ASTN2: variants seen among roughly 807,000 people sequenced by gnomAD.
ASTN2 encodes astrotactin-2.
In ASTN2, 54 loss-of-function variants were observed where a neutral mutation model predicts 139.8. The ratio of observed to expected loss-of-function variants is 0.39; its 90% CI spans 0.31 to 0.48. The LOEUF is 0.48. ASTN2 is among the 20% of genes least tolerant of loss of function. The pLI, the probability that ASTN2 is intolerant of heterozygous loss-of-function variation, is 0.95. For synonymous variants in ASTN2, 756 were observed against 719.5 expected (o/e 1.05, Z -0.81); for missense variants, 1,565 against 1,725.1 (o/e 0.91, Z 1.64).
At position 116,976,267 on chromosome 9, in the gene ASTN2, G is replaced by C; in HGVS notation, c.1677-79C>G. ...ATTCACATGTGGACACTGCTCTAGAGTAGCTTTACAAACAACCAAACTCTG... is the reference window on the plus strand; with the variant it reads ...ATTCACATGTGGACACTGCTCTAGACTAGCTTTACAAACAACCAAACTCTG... On this transcript the variant is annotated intron_variant, in intron 8 of 22. Transcript: ENST00000313400. 3.3e-6 allele frequency: 4 copies of C among 1,207,408 alleles called. No homozygotes were observed. In the South Asian group the frequency reaches 3.7e-5, roughly 11 times the overall value. The allele number at this position is 1,207,408 out of a possible 1,614,324, so 74.8% of individuals were successfully genotyped here.
intron 10 of ASTN2, among the ~76,000 whole-genome samples, chr9:116,944,423 G>A (rs1293904430): frequency 6.6e-6 from 1 of 152,078 alleles, no homozygotes; most frequent in Non-Finnish European, 1.5e-5. Flanking sequence ...GCTCATGCCT[G>A]TAATCCCAGC....
chr9:116,887,171 C>T (rs2132381504), intron 10 of ASTN2, among the ~76,000 whole-genome samples: 1 of 152,184 alleles, frequency 6.6e-6, no homozygotes, highest in East Asian at 1.9e-4. Context: ...TTTGGAAAAG[C>T]ATATAAATAA....
intron 3 of ASTN2, among the ~76,000 whole-genome samples, chr9:117,150,332 T>C (rs1017459135): frequency 1.3e-5 from 2 of 152,180 alleles, no homozygotes; most frequent in African/African-American, 4.8e-5. Context: ...TCAACTAATG[T>C]TATCCTTACA....
chr9:116,807,894 G>T (rs2132250131), intron 12 of ASTN2, among the ~76,000 whole-genome samples: 1 of 151,728 alleles, frequency 6.6e-6, no homozygotes, highest in South Asian at 2.1e-4. Context: ...GGTGGATCAT[G>T]AGGTCAGGCG....
intron 22 of ASTN2, 84 bp downstream of exon 22, chr9:116,440,525 T>C (rs1461839016): frequency 1.2e-5 from 16 of 1,320,874 alleles, no homozygotes; most frequent in Non-Finnish European, 1.6e-5. Context: ...TAAAGCCTAG[T>C]CTCAGCCTAT....
intron 13 of ASTN2, among the ~76,000 whole-genome samples, chr9:116,788,939 A>G (rs1564267668): frequency 6.6e-6 from 1 of 152,172 alleles, no homozygotes; most frequent in African/African-American, 2.4e-5. Flanking sequence ...ATGTGTACTG[A>G]TTGGCTGGAG....
At chr9:116,671,023 C>A (rs1436850964) in intron 16 of ASTN2, among the ~76,000 whole-genome samples, 1 of 152,070 alleles carries the variant, frequency 6.6e-6, no homozygotes, top group African/African-American at 2.4e-5. Flanking sequence ...TTTTTGCAAT[C>A]TTATTTGAGC....
intron 19 of ASTN2, among the ~76,000 whole-genome samples, chr9:116,536,172 T>C (rs930765745): frequency 3.9e-5 from 6 of 152,026 alleles, no homozygotes; most frequent in Non-Finnish European, 8.8e-5. Context: ...TGTGCATTCG[T>C]CACGTAGTTA....
At chr9:117,053,185 C>T (rs1280358709) in intron 5 of ASTN2, among the ~76,000 whole-genome samples, 1 of 151,888 alleles carries the variant, frequency 6.6e-6, no homozygotes, top group Non-Finnish European at 1.5e-5. Flanking sequence ...TGCATGGTGA[C>T]TCAAGCCTGC....
At chr9:116,794,500 T>G (rs966695416) in intron 13 of ASTN2, among the ~76,000 whole-genome samples, 1 of 152,170 alleles carries the variant, frequency 6.6e-6, no homozygotes, top group Non-Finnish European at 1.5e-5. Flanking sequence ...TTGGATGAGC[T>G]TGGTTTAGAC....
chr9:116,915,928 T>G (rs1834434515), intron 10 of ASTN2, among the ~76,000 whole-genome samples: 1 of 152,166 alleles, frequency 6.6e-6, no homozygotes, highest in African/African-American at 2.4e-5. Flanking sequence ...CCCCTGAATT[T>G]GTAGCCAAGT....
At chr9:117,187,627 T>C (rs1831235187) in intron 3 of ASTN2, among the ~76,000 whole-genome samples, 1 of 152,200 alleles carries the variant, frequency 6.6e-6, no homozygotes, top group Admixed American at 6.5e-5. Flanking sequence ...GTTGGCTGTC[T>C]GTCACGAGTC....
chr9:117,408,004 G>T (rs1831046569), intron 1 of ASTN2, among the ~76,000 whole-genome samples: 2 of 152,266 alleles, frequency 1.3e-5, no homozygotes, highest in South Asian at 4.1e-4. Flanking sequence ...CCCAAAGGCA[G>T]CTAGGGTGAG....
intron 3 of ASTN2, among the ~76,000 whole-genome samples, chr9:117,200,013 C>T (rs1016060760): frequency 2.0e-5 from 3 of 151,828 alleles, no homozygotes; most frequent in Non-Finnish European, 4.4e-5. Context: ...GCTGACATTG[C>T]TTATCAGTTC....
At chr9:116,617,840 C>G (rs1354828256) in intron 19 of ASTN2, among the ~76,000 whole-genome samples, 1 of 152,174 alleles carries the variant, frequency 6.6e-6, no homozygotes, top group Non-Finnish European at 1.5e-5. Context: ...TCAAAGGTAT[C>G]CCTCTTAAAA....
At chr9:116,693,952 T>G (rs1182066413) in intron 16 of ASTN2, among the ~76,000 whole-genome samples, 2 of 152,158 alleles carry the variant, frequency 1.3e-5, no homozygotes, top group Admixed American at 1.3e-4. Context: ...AAAGCAGTGT[T>G]TTCAAGTCAT....
intron 20 of ASTN2, among the ~76,000 whole-genome samples, chr9:116,473,841 G>A (rs1848895492): frequency 6.6e-6 from 1 of 151,992 alleles, no homozygotes. Flanking sequence ...AGCGGAGGTT[G>A]CAGTGGGCTG....
intron 5 of ASTN2, among the ~76,000 whole-genome samples, chr9:117,053,632 G>A (rs1212511571): frequency 1.3e-5 from 2 of 152,146 alleles, no homozygotes; most frequent in Non-Finnish European, 2.9e-5. Flanking sequence ...AGTTCTCACT[G>A]GAGTTTGTTG....
chr9:116,550,681 A>G (rs1852304368), intron 19 of ASTN2, among the ~76,000 whole-genome samples: 1 of 152,212 alleles, frequency 6.6e-6, no homozygotes, highest in Non-Finnish European at 1.5e-5. Context: ...ATCTACAGCA[A>G]CTTTAACACT....
Sources: allele counts gnomAD v4.1 joint callset (sites outside exome capture counted in the v4.1 genomes callset), GRCh38; gene constraint gnomAD v4.1.1; transcripts MANE v1.5; gene names NCBI Gene and HGNC (gene_info 2026-07-23, HGNC 2026-07-21).